GPC6: variants seen among roughly 807,000 people sequenced by gnomAD.
GPC6 encodes glypican-6.
A neutral mutation model predicts 55.2 loss-of-function variants in GPC6; 14 were observed. That is an observed-to-expected ratio of 0.25 (90% CI 0.17 to 0.40). The LOEUF (loss-of-function observed/expected upper bound fraction) is 0.40, where lower values mean the gene tolerates loss of function less well. Ranked by LOEUF, GPC6 falls within the 10% of genes least tolerant of loss-of-function variation. The probability of loss-of-function intolerance (pLI) is 1.00; values close to 1 mark genes in which losing one functional copy is unlikely to be tolerated. For missense variants in GPC6, 641 were observed against 708.5 expected, an observed-to-expected ratio of 0.90 and a Z score of 1.08; for synonymous variants, 278 against 259.6, an observed-to-expected ratio of 1.07 and a Z score of -0.68.
At chr13:93,795,809 G>C (rs539315364) in intron 2 of GPC6, among the ~76,000 whole-genome samples, 1 of 152,266 alleles carries the variant, frequency 6.6e-6, no homozygotes, top group South Asian at 2.1e-4. Context: ...ACTGCAGTAT[G>C]TACTCATGAC....
chr13:94,123,305 T>G (rs1886699786), intron 4 of GPC6, among the ~76,000 whole-genome samples: 1 of 152,088 alleles, frequency 6.6e-6, no homozygotes, highest in African/African-American at 2.4e-5. Context: ...AATGTCACTT[T>G]GCATTCAATT....
chr13:93,762,359 G>C (rs1454082952), intron 2 of GPC6, among the ~76,000 whole-genome samples: 1 of 152,194 alleles, frequency 6.6e-6, no homozygotes, highest in Non-Finnish European at 1.5e-5. Flanking sequence ...CCTGATGTCT[G>C]CTATTGGAAG....
intron 1 of GPC6, among the ~76,000 whole-genome samples, chr13:93,377,563 A>G (rs1401057406): frequency 1.3e-5 from 2 of 152,184 alleles, no homozygotes; most frequent in Non-Finnish European, 2.9e-5. Context: ...AAAGAAGTCC[A>G]CTACTCTAGA....
chr13:94,087,898 A>T (rs920719590), intron 4 of GPC6, among the ~76,000 whole-genome samples: 1 of 152,234 alleles, frequency 6.6e-6, no homozygotes, highest in Admixed American at 6.5e-5. Flanking sequence ...AGCACTGAGC[A>T]GCAATCATTT....
intron 4 of GPC6, among the ~76,000 whole-genome samples, chr13:94,113,556 G>A (rs902099678): frequency 1.3e-5 from 2 of 152,030 alleles, no homozygotes; most frequent in African/African-American, 4.8e-5. Flanking sequence ...AAGCTTTCCA[G>A]TGTCAATAAC....
chr13:93,592,710 A>C (rs934762328), intron 2 of GPC6, among the ~76,000 whole-genome samples: 1 of 152,026 alleles, frequency 6.6e-6, no homozygotes. Flanking sequence ...CTAAAGAAAC[A>C]TAGAGAAATA....
At chr13:93,371,627 T>A (rs1874659968) in intron 1 of GPC6, among the ~76,000 whole-genome samples, 1 of 152,094 alleles carries the variant, frequency 6.6e-6, no homozygotes, top group African/African-American at 2.4e-5. Flanking sequence ...TCATGGAGCT[T>A]ACATTGTAGT....
intron 2 of GPC6, among the ~76,000 whole-genome samples, chr13:93,788,450 A>G (rs7324433): frequency 0.66 from 100,173 of 151,552 alleles, 33,638 homozygotes; most frequent in East Asian, 0.81. Flanking sequence ...AAACCACAGC[A>G]TACCACAAGT....
intron 4 of GPC6, among the ~76,000 whole-genome samples, chr13:94,165,197 G>A (rs1158069973): frequency 2.7e-5 from 4 of 149,446 alleles, no homozygotes; most frequent in Non-Finnish European, 5.9e-5. Context: ...ATATGTATGT[G>A]TGTGTGTGTG....
At chr13:93,622,057 A>G (rs1878977379) in intron 2 of GPC6, among the ~76,000 whole-genome samples, 1 of 152,060 alleles carries the variant, frequency 6.6e-6, no homozygotes, top group Admixed American at 6.6e-5. Flanking sequence ...CCATCAGTCT[A>G]TTCTCTTCCT....
chr13:93,897,740 T>G (rs754322211), intron 3 of GPC6, among the ~76,000 whole-genome samples: 1 of 152,076 alleles, frequency 6.6e-6, no homozygotes, highest in African/African-American at 2.4e-5. Context: ...CCCCCATCTG[T>G]TAAAAATCAC....
chr13:94,277,479 G>T (rs1892250728), intron 4 of GPC6, among the ~76,000 whole-genome samples: 1 of 151,932 alleles, frequency 6.6e-6, no homozygotes, highest in Non-Finnish European at 1.5e-5. Flanking sequence ...AATTGCTTTT[G>T]GCATTTTCAT....
intron 1 of GPC6, among the ~76,000 whole-genome samples, chr13:93,328,414 C>T (rs1879729657): frequency 6.6e-6 from 1 of 152,076 alleles, no homozygotes; most frequent in Non-Finnish European, 1.5e-5. Context: ...TGGCTCACTC[C>T]TGTAATCTTA....
At chr13:93,480,782 C>A (rs946321285) in intron 1 of GPC6, among the ~76,000 whole-genome samples, 1 of 152,130 alleles carries the variant, frequency 6.6e-6, no homozygotes, top group Non-Finnish European at 1.5e-5. Flanking sequence ...GAATGCCATT[C>A]CTTTTTATTG....
chr13:93,980,078 C>G (rs182178124), intron 3 of GPC6, among the ~76,000 whole-genome samples: 3 of 152,106 alleles, frequency 2.0e-5, no homozygotes, highest in African/African-American at 7.2e-5. Context: ...AGAGATCTTA[C>G]GATTCCCTCC....
At chr13:94,276,668 C>G (rs1036843545) in intron 4 of GPC6, among the ~76,000 whole-genome samples, 3 of 152,014 alleles carry the variant, frequency 2.0e-5, no homozygotes, top group East Asian at 3.9e-4. Context: ...CAACTCCCAC[C>G]TATGAGTGAA....
chr13:93,588,559 A>C (rs1877314566), intron 2 of GPC6, among the ~76,000 whole-genome samples: 1 of 152,308 alleles, frequency 6.6e-6, no homozygotes, highest in African/African-American at 2.4e-5. Context: ...TATGAAAAAA[A>C]GAGATTTAAT....
chr13:93,796,497 A>G (rs1886200966), intron 2 of GPC6, among the ~76,000 whole-genome samples: 1 of 152,182 alleles, frequency 6.6e-6, no homozygotes, highest in Admixed American at 6.5e-5. Flanking sequence ...AGAAAACACT[A>G]TTAATGAAGT....
At chr13:93,236,297 G>T (rs569670038) in intron 1 of GPC6, among the ~76,000 whole-genome samples, 1 of 152,184 alleles carries the variant, frequency 6.6e-6, no homozygotes, top group South Asian at 2.1e-4. Context: ...GAATTATATA[G>T]TAGTGAATTC....
Sources: gnomAD v4.1 joint callset for allele counts (sites outside exome capture counted in the v4.1 genomes callset) on GRCh38, gnomAD v4.1.1 for gene constraint, MANE v1.5 for transcripts, NCBI Gene and HGNC (gene_info 2026-07-23, HGNC 2026-07-21) for gene names.